Variants in NEB observed in about 807,000 individuals in gnomAD.
NEB encodes the protein nebulin, also known as nemaline myopathy type 2.
Under a neutral mutation model 952.2 loss-of-function variants are expected in NEB, and 512 were observed. That is an observed-to-expected ratio of 0.54 (90% CI 0.50 to 0.58). The LOEUF (loss-of-function observed/expected upper bound fraction) is 0.58, where lower values mean the gene tolerates loss of function less well. Ranked by LOEUF, NEB falls within the 20% of genes least tolerant of loss-of-function variation. The pLI is 0.00. For synonymous variants in NEB, 2,900 were observed against 3,149.8 expected (o/e 0.92, Z 2.66); for missense variants, 8,428 against 9,231.1 (o/e 0.91, Z 3.56).
chr2:151,657,666 A>G (rs1057502327), intron 48 of NEB, among the ~76,000 whole-genome samples: 1 of 152,210 alleles, frequency 6.6e-6, no homozygotes, highest in Non-Finnish European at 1.5e-5. Context: ...AGGCAAGAAC[A>G]ACACAAGACT....
chr2:151,514,304 A>C lies in NEB; in HGVS notation c.23127+14T>G, dbSNP rs765270600. 6.4e-7 allele frequency: 1 copy of C among 1,554,646 alleles called. No individual in the cohort carries two copies. The highest frequency in any genetic ancestry group is 2.2e-5 in the East Asian group (1 of 44,568). ...CTGTATGAATTACGTGCAGGCAGTC[A>C]GCTGTGGGCCTACCTCATTGAGGAT... On this transcript the variant is annotated intron_variant, in intron 159 of 181. Transcript: ENST00000397345.
intron 10 of NEB, among the ~76,000 whole-genome samples, chr2:151,714,019 C>T (rs973666450): frequency 2.6e-5 from 4 of 151,998 alleles, no homozygotes; most frequent in African/African-American, 9.7e-5. Context: ...AATTAAAGGC[C>T]CTTAGAGATT....
intron 175 of NEB, 143 bp downstream of exon 175, chr2:151,493,632 T>G (rs931043862): frequency 1.3e-4 from 98 of 757,468 alleles, no homozygotes; most frequent in Non-Finnish European, 1.2e-4. Flanking sequence ...CTCGTGGGGT[T>G]GGTTTGTTGT....
In NEB at chr2:151,672,518, G is replaced by A; in HGVS notation, c.4150C>T (p.Pro1384Ser). Reference sequence around the variant, plus strand: ...GCTGTGATGCTAACCATGTCCCCAGGGGTATGGTAGCTGGTTTTGGTGTTC... The same window carrying A: ...GCTGTGATGCTAACCATGTCCCCAGAGGTATGGTAGCTGGTTTTGGTGTTC... The part of the protein sequence containing the change: ...YENTKTSYHT[P>S]GDMVSITAAK... The change falls in exon 37 of 182, where the codon CCT (proline) becomes TCT (serine). Residue 1384 changes from proline to serine, a missense_variant. Physicochemically the swap from Pro to Ser is moderately conservative, Grantham distance 74. This residue lies in a region of NEB where 2,851 missense variants were observed against 2,791.5 expected (regional missense o/e 1.02). Transcript: ENST00000397345. The A allele has an allele frequency of 2.5e-6, 4 of 1,613,990 alleles. No individual in the cohort carries two copies. Among genetic ancestry groups the A allele is most frequent in the South Asian group, 1.1e-5 (1 of 91,078 alleles).
intron 65 of NEB, 142 bp from the exon 66 acceptor site, chr2:151,631,488 T>C: frequency 1.1e-6 from 1 of 917,148 alleles, no homozygotes; most frequent in Non-Finnish European, 1.6e-6. Context: ...ACTAAAAGAA[T>C]TATGCTCAAA....
intron 130 of NEB, among the ~76,000 whole-genome samples, chr2:151,548,771 T>C (rs960637834): frequency 6.6e-6 from 1 of 152,192 alleles, no homozygotes; most frequent in African/African-American, 2.4e-5. Flanking sequence ...GACAAATAGC[T>C]TCGTGGACTG....
chr2:151,539,556 G>A lies in NEB; in HGVS notation c.20892+788C>T, dbSNP rs907098387. Among the ~76,000 whole-genome samples the A allele has an allele frequency of 1.2e-4, 19 of 152,154 alleles. 1 individual carries two copies. The highest frequency in any genetic ancestry group is 4.6e-4 in the African/African-American group (19 of 41,430). ...TGGCTTGATTTTTGGCTCAGTTTAA[G>A]TCCCAACATGTCTAGTCCTCTAGGG... On this transcript the variant is annotated intron_variant, in intron 138 of 181. Transcript: ENST00000397345.
In NEB at chr2:151,568,169, T is replaced by C; in HGVS notation, c.17746A>G (p.Lys5916Glu). Residue 5916 changes from lysine (K) to glutamate (E), a missense_variant, in exon 113 of 182, where the codon AAG becomes GAG. Physicochemically the swap from Lys to Glu is moderately conservative, Grantham distance 56. This residue lies in a region of NEB where 3,374 missense variants were observed against 3,651.5 expected (regional missense o/e 0.92). Transcript: ENST00000397345. The part of the protein sequence containing the change: ...AARILDQYLY[K>E]EGWERQKATG... ...GCTTTTTGTCTCTCCCAGCCTTCCT[T>C]GTAGAGATACTGAAAGACAGAGCCA... 6.2e-7 allele frequency: 1 copy of C among 1,613,086 alleles called. No individual in the cohort carries two copies. The highest frequency in any genetic ancestry group is 8.5e-7 in the Non-Finnish European group (1 of 1,179,420).
chr2:151,704,603 G>A (rs553314467), intron 13 of NEB, among the ~76,000 whole-genome samples: 1 of 152,324 alleles, frequency 6.6e-6, no homozygotes, highest in Admixed American at 6.5e-5. Context: ...GCAATATTCG[G>A]GAGGGAGTGA....
chr2:151,650,918 C>T, intron 52 of NEB, 33 bp from the exon 53 acceptor site: 5 of 1,540,362 alleles, frequency 3.2e-6, no homozygotes, highest in Non-Finnish European at 4.4e-6. Context: ...TCTTTTAGTA[C>T]ACAAAGGCCA....
intron 13 of NEB, among the ~76,000 whole-genome samples, chr2:151,705,752 T>A (rs2099703317): frequency 6.6e-6 from 1 of 152,148 alleles, no homozygotes; most frequent in Admixed American, 6.5e-5. Context: ...TGAAAATGAA[T>A]GAAATAATGT....
intron 60 of NEB, among the ~76,000 whole-genome samples, chr2:151,641,471 C>G (rs564017545): frequency 6.6e-6 from 1 of 152,188 alleles, no homozygotes; most frequent in Non-Finnish European, 1.5e-5. Context: ...GCTAGCACTA[C>G]AGGCATGCGC....
At chr2:151,515,165 A>C (rs1351673868) in intron 157 of NEB, among the ~76,000 whole-genome samples, 1 of 152,156 alleles carries the variant, frequency 6.6e-6, no homozygotes, top group African/African-American at 2.4e-5. Flanking sequence ...TCATCAGTCT[A>C]ATGTTGTGAC....
rs77560924 is a variant in NEB, at chr2:151,717,632, C to T, written c.718-112G>A. The T allele has an allele frequency of 1.1e-3, 836 of 790,612 alleles. 2 individuals are homozygous for T. In the African/African-American group the frequency reaches 0.011, roughly 10 times the overall value. 49.0% of individuals were successfully genotyped at this position (790,612 alleles called of 1,614,324 possible). ...ATAATTTGTCCTAGATGTTACATAC[C>T]ATTGCTCTCAGTACTGCTAGTGATT... On this transcript the variant is annotated intron_variant, in intron 9 of 181. Coordinates refer to ENST00000397345, the MANE Select transcript of NEB (RefSeq NM_001164508.2).
chr2:151,643,438 T>G, intron 57 of NEB, 85 bp from the exon 58 acceptor site: 2 of 1,190,666 alleles, frequency 1.7e-6, no homozygotes, highest in Non-Finnish European at 2.3e-6. Context: ...CATTTGCCCC[T>G]AAATAAAAGT....
At chr2:151,692,463 A>G (rs752762618) in intron 20 of NEB, 101 bp from the exon 21 acceptor site, 24 of 921,858 alleles carry the variant, frequency 2.6e-5, no homozygotes, top group Non-Finnish European at 3.6e-5. Context: ...AAGGGGCAAA[A>G]TTTATGTTTT....
chr2:151,494,834 G>C (rs1314009867), intron 173 of NEB: 1 of 152,676 alleles, frequency 6.5e-6, no homozygotes, highest in Non-Finnish European at 1.5e-5. Flanking sequence ...TTTTTTAGTA[G>C]AGACGGGGTT....
At chr2:151,663,386 T>C (rs896372484) in intron 45 of NEB, among the ~76,000 whole-genome samples, 162 bp downstream of exon 45, 14 of 152,190 alleles carry the variant, frequency 9.2e-5, no homozygotes, top group African/African-American at 3.4e-4. Context: ...TTGATCTCCT[T>C]TTGTTAAAGG....
chr2:151,706,733 T>C, intron 13 of NEB, 148 bp downstream of exon 13: 2 of 641,016 alleles, frequency 3.1e-6, no homozygotes, highest in Non-Finnish European at 5.4e-6. Flanking sequence ...GACTCATGCC[T>C]TTCTGTGGTT....
Sources: allele counts gnomAD v4.1 joint callset (sites outside exome capture counted in the v4.1 genomes callset), GRCh38; gene constraint gnomAD v4.1.1; regional missense constraint gnomAD v4.1.1; transcripts MANE v1.5; gene names NCBI Gene and HGNC (gene_info 2026-07-23, HGNC 2026-07-21).